The following CEP44 variants were observed in gnomAD, a reference collection of about 807,000 sequenced individuals.
CEP44 encodes the protein centrosomal protein 44, also known as centrosomal protein of 44 kDa.
In CEP44, 45 loss-of-function variants were observed where a neutral mutation model predicts 46.7. The observed-to-expected ratio is 0.96, with a 90% CI of 0.76 to 1.24. The LOEUF (loss-of-function observed/expected upper bound fraction) is 1.24, where lower values mean the gene tolerates loss of function less well. Ranked by LOEUF, CEP44 falls within the 50% of genes most tolerant of loss-of-function variation. The pLI, the probability that CEP44 is intolerant of heterozygous loss-of-function variation, is 0.00. For synonymous variants in CEP44, 142 were observed against 146.0 expected (o/e 0.97, Z 0.20); for missense variants, 475 against 459.7 (o/e 1.03, Z -0.30).
At chr4:174,315,286 C>T (rs1338851503) in intron 9 of CEP44, among the ~76,000 whole-genome samples, 1 of 150,166 alleles carries the variant, frequency 6.7e-6, no homozygotes, top group Non-Finnish European at 1.5e-5. Flanking sequence ...GACTGAAACA[C>T]AGGGTTTGTA....
chr4:174,291,999 C>T (rs1449574536), intron 1 of CEP44, among the ~76,000 whole-genome samples: 1 of 151,684 alleles, frequency 6.6e-6, no homozygotes. Flanking sequence ...CCATGTTTGC[C>T]AGGGTGGTCT....
In CEP44 at chr4:174,326,179, G is replaced by GT. The variant is rs766215369; in HGVS notation, c.1087-5297dup. Among the ~76,000 whole-genome samples, 2 of 151,146 alleles carry GT rather than the reference G, an allele frequency of 1.3e-5. No homozygotes were observed. Among genetic ancestry groups the GT allele is most frequent in the East Asian group, 1.9e-4 (1 of 5,166 alleles). ...TATTTTTCACTGGATATTTTTTAATGTTTTTTATTTTTTTCTTGGCTTATG... is the reference window on the plus strand; with the variant it reads ...TATTTTTCACTGGATATTTTTTAATGTTTTTTTATTTTTTTCTTGGCTTATG... On this transcript the variant is annotated intron_variant, in intron 8 of 8. Coordinates refer to the CEP44 transcript ENST00000426172. The surrounding 1 kb of genome is among the most constrained non-coding windows in gnomAD (Gnocchi z 4.8).
intron 1 of CEP44, among the ~76,000 whole-genome samples, chr4:174,284,684 T>C (rs1019918005): frequency 2.0e-5 from 3 of 152,190 alleles, no homozygotes; most frequent in African/African-American, 7.2e-5. Flanking sequence ...AACTCTTTAC[T>C]TGTCCCTTAC....
In CEP44 at chr4:174,318,732, TA is replaced by T. The variant is rs1444874474; in HGVS notation, c.*1352del. On this transcript the variant is annotated 3_prime_UTR_variant, in exon 12 of 12. Coordinates refer to ENST00000503780, the MANE Select transcript of CEP44 (RefSeq NM_001040157.3). ...TATTGTTATATGAGTAGAAATCACT[TA>T]AATTTTTTTTGTGTTTGTGAATTTG... The T allele has an allele frequency of 1.3e-6, 1 of 784,582 alleles. No individual in the cohort carries two copies. Among genetic ancestry groups the T allele is most frequent in the Non-Finnish European group, 1.5e-6 (1 of 647,850 alleles). The allele number at this position is 784,582 out of a possible 1,614,324, so 48.6% of individuals were successfully genotyped here. A position where few individuals can be genotyped will look rare whatever the true frequency, so the allele number is the denominator to read the frequency against.
chr4:174,303,787 ATTGT>A lies in CEP44; in HGVS notation c.327_330del (p.Cys110IlefsTer3). The A allele has an allele frequency of 1.9e-6, 3 of 1,577,144 alleles. No homozygotes were observed. Among genetic ancestry groups the A allele is most frequent in the South Asian group, 1.2e-5 (1 of 86,920 alleles). ...TGGGTTTGCAGAATGGAAAATCCAA[ATTGT>A]TTGTGATATTTTGAATTGTGTGATG... On this transcript the variant is annotated frameshift_variant, in exon 5 of 12. Coordinates refer to ENST00000503780, the MANE Select transcript of CEP44 (RefSeq NM_001040157.3). LOFTEE classifies it high-confidence loss of function.
At chr4:174,327,125 CAT>C (rs1051511103) in intron 8 of CEP44, among the ~76,000 whole-genome samples, 4 of 146,980 alleles carry the variant, frequency 2.7e-5, no homozygotes, top group Non-Finnish European at 3.0e-5. Flanking sequence ...TATATATCTA[CAT>C]ATATATATAA....
chr4:174,317,402 T>C lies in CEP44; in HGVS notation c.*19T>C, dbSNP rs148600494. ...CTTGTAGGATTTTCTACATGAACTT[T>C]TTTCTAGGACTTTGGTTACTATACA... On this transcript the variant is annotated 3_prime_UTR_variant, in exon 12 of 12. Coordinates refer to ENST00000503780, the MANE Select transcript of CEP44 (RefSeq NM_001040157.3). The C allele has an allele frequency of 4.6e-3, 6,443 of 1,411,950 alleles. 28 individuals carry two copies. Among genetic ancestry groups the C allele is most frequent in the Middle Eastern group, 0.011 (46 of 4,202 alleles). The allele number at this position is 1,411,950 out of a possible 1,614,324, so 87.5% of individuals were successfully genotyped here.
chr4:174,323,307 C>A (rs1000716933), downstream of CEP44, among the ~76,000 whole-genome samples: 1 of 151,808 alleles, frequency 6.6e-6, no homozygotes. Flanking sequence ...AGAGGTTTTC[C>A]CCCCTCATGT....
chr4:174,300,428 G>A (rs1339472509), intron 3 of CEP44, among the ~76,000 whole-genome samples: 1 of 152,048 alleles, frequency 6.6e-6, no homozygotes, highest in Non-Finnish European at 1.5e-5. Context: ...TAACCAGTTT[G>A]AGTAGCCAAG....
chr4:174,288,247 A>G lies in CEP44; in HGVS notation c.-148+4304A>G, dbSNP rs1737780324. On this transcript the variant is annotated intron_variant, in intron 1 of 11. Coordinates refer to ENST00000503780, the MANE Select transcript of CEP44 (RefSeq NM_001040157.3). The surrounding 1 kb of genome is among the most constrained non-coding windows in gnomAD (Gnocchi z 4.6). ...ACAAGAAATCAATGCCATCACCTTG[A>G]AAAGTTTCCTTCTACTCATCTTTTT... Among the ~76,000 whole-genome samples the G allele has an allele frequency of 1.3e-5, 2 of 152,212 alleles. No individual in the cohort carries two copies. The highest frequency in any genetic ancestry group is 1.3e-4 in the Admixed American group (2 of 15,286).
chr4:174,302,100 T>C lies in CEP44; in HGVS notation c.151T>C (p.Ser51Pro). 6.2e-7 allele frequency: 1 copy of C among 1,612,336 alleles called. No homozygotes were observed. ...PIISYSFTSY[S>P]PYVTELIMES... ...CATCAGCTATTCTTTTACCTCATAC[T>C]CACCTTATGTAACAGAACTTATAAT... is the stretch of plus-strand genomic sequence containing the variant. Residue 51 changes from serine to proline, a missense_variant, in exon 4 of 12, where the codon TCA (serine) becomes CCA (proline). Transcript: ENST00000503780.
In CEP44 at chr4:174,311,999, T is replaced by C. The variant is rs1014489436; in HGVS notation, c.961+1141T>C. Among the ~76,000 whole-genome samples, 2 of 152,234 alleles carry C rather than the reference T, an allele frequency of 1.3e-5. No homozygotes were observed. The highest frequency in any genetic ancestry group is 2.9e-5 in the Non-Finnish European group (2 of 68,030). On this transcript the variant is annotated intron_variant, in intron 9 of 11. Coordinates refer to ENST00000503780, the MANE Select transcript of CEP44 (RefSeq NM_001040157.3). The surrounding 1 kb of genome is among the most constrained non-coding windows in gnomAD (Gnocchi z 4.4). ...TCCATTCATATATCTATTCAACAAA[T>C]GTTAATGCTTGAGTATAAGATCCTT... is the stretch of plus-strand genomic sequence containing the variant.
chr4:174,321,696 T>C (rs967106315), downstream of CEP44, among the ~76,000 whole-genome samples: 3 of 152,152 alleles, frequency 2.0e-5, no homozygotes, highest in Non-Finnish European at 2.9e-5. Context: ...AAAGCAATTA[T>C]TAGAGATCCA....
At chr4:174,315,840 C>CAAA (rs58586936) in intron 9 of CEP44, among the ~76,000 whole-genome samples, 2 of 95,768 alleles carry the variant, frequency 2.1e-5, no homozygotes, top group African/African-American at 3.9e-5. Context: ...GACTCCGTCT[C>CAAA]AAAAAAAAAA....
rs2040830566 is a variant in CEP44 at position 174,325,776 on chromosome 4, A to T, written c.1087-5706A>T. On this transcript the variant is annotated intron_variant, in intron 8 of 8. Transcript: ENST00000426172. The surrounding 1 kb of genome is among the most constrained non-coding windows in gnomAD (Gnocchi z 4.4). ...TTTAAACCTGTTTTTAAATGCATAA[A>T]CATTTAGGACTGCTATTTCTTCATG... Among the ~76,000 whole-genome samples, 1 of 152,222 alleles carries T rather than the reference A, an allele frequency of 6.6e-6. No individual in the cohort carries two copies. The highest frequency in any genetic ancestry group is 2.4e-5 in the African/African-American group (1 of 41,474).
At chr4:174,315,633 T>C (rs961866525) in intron 9 of CEP44, among the ~76,000 whole-genome samples, 20 of 151,888 alleles carry the variant, frequency 1.3e-4, no homozygotes, top group African/African-American at 4.8e-4. Flanking sequence ...TTAATGTAAA[T>C]ATCACCATTT....
At position 174,307,249 on chromosome 4, in the gene CEP44, A is replaced by G. The variant is rs531900340; in HGVS notation, c.508-1440A>G. Among the ~76,000 whole-genome samples, 9 of 152,226 alleles carry G rather than the reference A, an allele frequency of 5.9e-5. No homozygotes were observed. In the East Asian group the frequency reaches 1.5e-3, roughly 26 times the overall value. On this transcript the variant is annotated intron_variant, in intron 6 of 11. Coordinates refer to ENST00000503780, the MANE Select transcript of CEP44 (RefSeq NM_001040157.3). ...ACAGTAACCAAAACATCATGGTACT[A>G]GTACCAGAACAGACACATAGACCAA... is the stretch of plus-strand genomic sequence containing the variant.
At chr4:174,305,233 C>T (rs779942203) in intron 6 of CEP44, among the ~76,000 whole-genome samples, 1 of 152,148 alleles carries the variant, frequency 6.6e-6, no homozygotes, top group Non-Finnish European at 1.5e-5. Flanking sequence ...GCAGGTGGAT[C>T]ACCTAAAGTC....
rs970641042 is a variant in CEP44 at position 174,287,661 on chromosome 4, C to T, written c.-148+3718C>T. On this transcript the variant is annotated intron_variant, in intron 1 of 11. Coordinates refer to ENST00000503780, the MANE Select transcript of CEP44 (RefSeq NM_001040157.3). The surrounding 1 kb of genome is among the most constrained non-coding windows in gnomAD (Gnocchi z 5.1). Reference sequence around the variant, plus strand: ...AAGTGGAATGTTTTGATTTTCCCTTCTGGTTATGATTTACATGTATTAACT... The same window carrying T: ...AAGTGGAATGTTTTGATTTTCCCTTTTGGTTATGATTTACATGTATTAACT... Among the ~76,000 whole-genome samples the T allele has an allele frequency of 6.6e-6, 1 of 152,116 alleles. No homozygotes were observed. The highest frequency in any genetic ancestry group is 1.5e-5 in the Non-Finnish European group (1 of 68,016).
Sources: gnomAD v4.1 joint callset for allele counts (sites outside exome capture counted in the v4.1 genomes callset) on GRCh38, gnomAD v4.1.1 for gene constraint, Gnocchi (gnomAD v3.1) non-coding constraint, MANE v1.5 for transcripts, NCBI Gene and HGNC (gene_info 2026-07-23, HGNC 2026-07-21) for gene names.